Variants in SCN2B observed in about 807,000 individuals in gnomAD.
The protein encoded by SCN2B is sodium channel regulatory subunit beta-2.
Under a neutral mutation model 18.2 loss-of-function variants are expected in SCN2B, and 14 were observed. The ratio of observed to expected loss-of-function variants is 0.77; its 90% CI spans 0.51 to 1.21. The LOEUF (loss-of-function observed/expected upper bound fraction) is 1.21, where lower values mean the gene tolerates loss of function less well. SCN2B is among the 50% of genes most tolerant of loss of function. The pLI is 0.00. For synonymous variants in SCN2B, 115 were observed against 115.3 expected, an observed-to-expected ratio of 1.00 and a Z score of 0.02; for missense variants, 262 against 286.9, an observed-to-expected ratio of 0.91 and a Z score of 0.63.
chr11:118,164,786 T>C lies in SCN2B; in HGVS notation c.*2101A>G, dbSNP rs1312039361. 1 of 152,678 alleles carries C rather than the reference T, an allele frequency of 6.5e-6. No homozygotes were observed. Among genetic ancestry groups the C allele is most frequent in the Non-Finnish European group, 1.5e-5 (1 of 68,060 alleles). The allele number at this position is 152,678 out of a possible 1,614,324, so 9.5% of individuals were successfully genotyped here. A position where few individuals can be genotyped will look rare whatever the true frequency, so the allele number is the denominator to read the frequency against. On this transcript the variant is annotated 3_prime_UTR_variant, in exon 4 of 4. Coordinates refer to ENST00000278947, the MANE Select transcript of SCN2B (RefSeq NM_004588.5). ...TGTATATCCCCAGTGCCCGGCACAG[T>C]GCCTGGCACATAATAGATGCTCAAT...
rs1948408278 is a variant in SCN2B at position 118,168,953 on chromosome 11, T to C, written c.71-202A>G. Among the ~76,000 whole-genome samples the C allele has an allele frequency of 6.6e-6, 1 of 152,058 alleles. No homozygotes were observed. The highest frequency in any genetic ancestry group is 1.5e-5 in the Non-Finnish European group (1 of 67,986). On this transcript the variant is annotated intron_variant, in intron 1 of 3. Coordinates refer to ENST00000278947, the MANE Select transcript of SCN2B (RefSeq NM_004588.5). This position sits in a 1 kb window ranked among gnomAD's most constrained non-coding sequence, Gnocchi z 4.7. The stretch of plus-strand genomic sequence containing the variant: ...CTCTGTTGCCCAAGCTGGAGTGCAG[T>C]GGCGCAATCATGACTCACTGCAGCC...
chr11:118,173,992 G>A (rs928151154), intron 1 of SCN2B, among the ~76,000 whole-genome samples: 8 of 151,716 alleles, frequency 5.3e-5, no homozygotes, highest in Non-Finnish European at 8.8e-5. Context: ...GCATGATCAC[G>A]GCTCACTGCA....
At chr11:118,175,032 C>T (rs1000745230) in intron 1 of SCN2B, among the ~76,000 whole-genome samples, 2 of 152,230 alleles carry the variant, frequency 1.3e-5, no homozygotes, top group African/African-American at 4.8e-5. Flanking sequence ...CAAATTTCAG[C>T]TCCCGTTACC....
At chr11:118,170,613 C>T (rs560063558) in intron 1 of SCN2B, among the ~76,000 whole-genome samples, 1 of 152,004 alleles carries the variant, frequency 6.6e-6, no homozygotes, top group Non-Finnish European at 1.5e-5. Context: ...TCCAGATGAG[C>T]CCGATAGAGG....
chr11:118,166,885 C>T lies in SCN2B; in HGVS notation c.*2G>A. On this transcript the variant is annotated 3_prime_UTR_variant, in exon 4 of 4. Transcript: ENST00000278947. ...ACGGGAGGCTGCAGGGCCGGCCACC[C>T]ACTACTTGGCGCCATCATCCGGGTT... is the stretch of plus-strand genomic sequence containing the variant. 6.2e-7 allele frequency: 1 copy of T among 1,613,914 alleles called. No homozygotes were observed. Among genetic ancestry groups the T allele is most frequent in the South Asian group, 1.1e-5 (1 of 91,078 alleles).
At chr11:118,167,972 G>A in intron 3 of SCN2B, 113 bp downstream of exon 3, 1 of 817,548 alleles carries the variant, frequency 1.2e-6, no homozygotes, top group Admixed American at 2.0e-5. Flanking sequence ...AGCACAAATG[G>A]TTGCTCCCAT....
intron 1 of SCN2B, among the ~76,000 whole-genome samples, chr11:118,172,698 G>A (rs561192267): frequency 1.3e-5 from 2 of 152,296 alleles, no homozygotes; most frequent in Admixed American, 6.5e-5. Context: ...CAGCAGTGGC[G>A]GGCCACCCGC....
At chr11:118,171,459 T>G (rs1333703743) in intron 1 of SCN2B, among the ~76,000 whole-genome samples, 1 of 152,158 alleles carries the variant, frequency 6.6e-6, no homozygotes, top group Non-Finnish European at 1.5e-5. Flanking sequence ...TGAGCTTACC[T>G]CCCATCCCAG....
chr11:118,171,278 T>C (rs1948429309), intron 1 of SCN2B, among the ~76,000 whole-genome samples: 1 of 152,076 alleles, frequency 6.6e-6, no homozygotes, highest in African/African-American at 2.4e-5. Context: ...GGAGGCTGAG[T>C]GGGCCCCTGT....
At position 118,164,371 on chromosome 11, in the gene SCN2B, C is replaced by T. The variant is rs3802868; in HGVS notation, c.*2516G>A. ...CCTCTCTGCCCCCAGCTGGCTGGCT[C>T]AAGGATGGGCAGCGTCCATCTGCTG... is the stretch of plus-strand genomic sequence containing the variant. On this transcript the variant is annotated 3_prime_UTR_variant, in exon 4 of 4. Coordinates refer to ENST00000278947, the MANE Select transcript of SCN2B (RefSeq NM_004588.5). 12,429 of 152,760 alleles carry T rather than the reference C, an allele frequency of 0.081. 787 individuals are homozygous for T. Among genetic ancestry groups the T allele is most frequent in the African/African-American group, 0.18 (7,330 of 41,526 alleles). The allele number at this position is 152,760 out of a possible 1,614,324, so 9.5% of individuals were successfully genotyped here.
Position 118,163,106 on chromosome 11 carries a change from C to T in SCN2B, c.*3781G>A, listed in dbSNP as rs1219588638. ...GTTATTACACCTCCCCACACACACACAGTGTAACTTTTGGGGTGGGTGTGG... is the reference window on the plus strand; with the variant it reads ...GTTATTACACCTCCCCACACACACATAGTGTAACTTTTGGGGTGGGTGTGG... On this transcript the variant is annotated 3_prime_UTR_variant, in exon 4 of 4. Coordinates refer to ENST00000278947, the MANE Select transcript of SCN2B (RefSeq NM_004588.5). 2 of 152,756 alleles carry T rather than the reference C, an allele frequency of 1.3e-5. No homozygotes were observed. Among genetic ancestry groups the T allele is most frequent in the Admixed American group, 6.5e-5 (1 of 15,306 alleles). The allele number at this position is 152,756 out of a possible 1,614,324, so 9.5% of individuals were successfully genotyped here. A position where few individuals can be genotyped will look rare whatever the true frequency, so the allele number is the denominator to read the frequency against.
intron 1 of SCN2B, among the ~76,000 whole-genome samples, chr11:118,172,647 T>C (rs1948438569): frequency 6.6e-6 from 1 of 152,190 alleles, no homozygotes; most frequent in Non-Finnish European, 1.5e-5. Context: ...AGGGAAAAGA[T>C]CATCAACGGG....
At chr11:118,173,946 A>G (rs1187506181) in intron 1 of SCN2B, among the ~76,000 whole-genome samples, 1 of 151,870 alleles carries the variant, frequency 6.6e-6, no homozygotes, top group Non-Finnish European at 1.5e-5. Flanking sequence ...TTTAAGAGAC[A>G]GGGTTTGGTT....
chr11:118,171,905 A>G (rs901884462), intron 1 of SCN2B, among the ~76,000 whole-genome samples: 1 of 152,198 alleles, frequency 6.6e-6, no homozygotes, highest in Non-Finnish European at 1.5e-5. Context: ...ATCTAGCCCC[A>G]TTGTTTTACC....
chr11:118,170,496 G>C (rs980717224), intron 1 of SCN2B, among the ~76,000 whole-genome samples: 2 of 152,196 alleles, frequency 1.3e-5, no homozygotes, highest in African/African-American at 2.4e-5. Flanking sequence ...GCAGGGACCA[G>C]CTCACAAAGG....
At chr11:118,171,722 C>G (rs1373969631) in intron 1 of SCN2B, among the ~76,000 whole-genome samples, 1 of 152,164 alleles carries the variant, frequency 6.6e-6, no homozygotes, top group Non-Finnish European at 1.5e-5. Flanking sequence ...ACGGGGGCAG[C>G]CGGAGAGGTG....
intron 1 of SCN2B, among the ~76,000 whole-genome samples, chr11:118,171,851 A>T (rs1233254994): frequency 6.6e-6 from 1 of 152,224 alleles, no homozygotes; most frequent in Non-Finnish European, 1.5e-5. Context: ...CGGAGCGAGC[A>T]TGGGATCCGG....
chr11:118,168,798 G>T lies in SCN2B; in HGVS notation c.71-47C>A. The T allele has an allele frequency of 6.2e-7, 1 of 1,606,230 alleles. No individual in the cohort carries two copies. The highest frequency in any genetic ancestry group is 8.5e-7 in the Non-Finnish European group (1 of 1,173,648). On this transcript the variant is annotated intron_variant, in intron 1 of 3. Transcript: ENST00000278947. The surrounding 1 kb of genome is among the most constrained non-coding windows in gnomAD (Gnocchi z 4.7). ...GGTGAGGAGTCTGGCTGAAAGGGCT[G>T]GGGAGGGGCAAGCCCTCTGTGCCTG...
At chr11:118,167,851 C>T (rs1948397094) in intron 3 of SCN2B, among the ~76,000 whole-genome samples, 1 of 152,214 alleles carries the variant, frequency 6.6e-6, no homozygotes, top group South Asian at 2.1e-4. Flanking sequence ...GCCATCACAC[C>T]AAGCCCCATT....
Sources: gnomAD v4.1 joint callset for allele counts (sites outside exome capture counted in the v4.1 genomes callset) on GRCh38, gnomAD v4.1.1 for gene constraint, Gnocchi (gnomAD v3.1) non-coding constraint, MANE v1.5 for transcripts, NCBI Gene and HGNC (gene_info 2026-07-23, HGNC 2026-07-21) for gene names.